DAPL1: variants seen among roughly 807,000 people sequenced by gnomAD.
The protein encoded by DAPL1 is death associated protein like 1.
Under a neutral mutation model 12.9 loss-of-function variants are expected in DAPL1, and 17 were observed. The ratio of observed to expected loss-of-function variants is 1.32; its 90% CI spans 0.90 to 1.98. The LOEUF is 1.98. Among genes scored for constraint, DAPL1 ranks in the 30% most tolerant of loss-of-function variants. The pLI, the probability that DAPL1 is intolerant of heterozygous loss-of-function variation, is 0.00. For synonymous variants in DAPL1, 51 were observed against 42.0 expected (o/e 1.21, Z -0.82); for missense variants, 157 against 125.7 (o/e 1.25, Z -1.19).
intron 1 of DAPL1, among the ~76,000 whole-genome samples, chr2:158,799,331 G>C (rs2059152740): frequency 6.6e-6 from 1 of 152,014 alleles, no homozygotes; most frequent in Admixed American, 6.6e-5. Flanking sequence ...TTCTGCAAAG[G>C]TTCAAAAAGC....
In DAPL1 at chr2:158,804,336, G is replaced by T; in HGVS notation, c.113G>T (p.Arg38Ile). 1 of 1,611,566 alleles carries T rather than the reference G, an allele frequency of 6.2e-7. No individual in the cohort carries two copies. Among genetic ancestry groups the T allele is most frequent in the South Asian group, 1.1e-5 (1 of 90,518 alleles). Residue 38 changes from arginine (R) to isoleucine (I), a missense_variant, in exon 2 of 4, where the codon AGA becomes ATA. Transcript: ENST00000309950. Reference protein sequence around the residue: ...SKKQEIGTLERHTKKTGFEKT... With the variant: ...SKKQEIGTLEIHTKKTGFEKT... The stretch of plus-strand genomic sequence containing the variant: ...AAACAAGAAATTGGCACCTTGGAAA[G>T]ACATACCAAAAAAACAGGATTCGAG...
At chr2:158,806,516 T>C (rs1402763788) in intron 2 of DAPL1, among the ~76,000 whole-genome samples, 1 of 151,892 alleles carries the variant, frequency 6.6e-6, no homozygotes, top group Non-Finnish European at 1.5e-5. Flanking sequence ...TGTTTCTGTA[T>C]GTATATCATA....
At chr2:158,795,837 G>A (rs745962648) in intron 1 of DAPL1, among the ~76,000 whole-genome samples, 2 of 152,192 alleles carry the variant, frequency 1.3e-5, no homozygotes, top group South Asian at 2.1e-4. Context: ...GTAAGACTCA[G>A]TCTCCCCAAG....
chr2:158,795,399 C>G lies in DAPL1; in HGVS notation c.27C>G (p.Leu9=), dbSNP rs1409399559. 1 of 1,556,068 alleles carries G rather than the reference C, an allele frequency of 6.4e-7. No individual in the cohort carries two copies. Among genetic ancestry groups the G allele is most frequent in the Admixed American group, 1.9e-5 (1 of 51,450 alleles). The stretch of plus-strand genomic sequence containing the variant: ...TGGCAAATGAAGTGCAAGACCTGCT[C>G]TCCCCTCGGAAAGGGGGACATCCTC... MANEVQDL[L]SPRKGGHPPA... The change falls in exon 1 of 4, where the codon CTC becomes CTG. Residue 9 remains leucine (L), a synonymous_variant. Coordinates refer to ENST00000309950, the MANE Select transcript of DAPL1 (RefSeq NM_001017920.3).
At position 158,807,273 on chromosome 2, in the gene DAPL1, T is replaced by A. The variant is rs185536840; in HGVS notation, c.207+158T>A. Among the ~76,000 whole-genome samples the A allele has an allele frequency of 2.9e-4, 44 of 152,316 alleles. No individual in the cohort carries two copies. In the East Asian group the frequency reaches 7.1e-3, roughly 25 times the overall value. On this transcript the variant is annotated intron_variant, in intron 3 of 3. Coordinates refer to ENST00000309950, the MANE Select transcript of DAPL1 (RefSeq NM_001017920.3). ...TCTCTGTCAGAGGAACACAAAGTGA[T>A]TTGAGTGGGAAAAGCTGCTTCTCTC...
intron 3 of DAPL1, among the ~76,000 whole-genome samples, chr2:158,814,820 G>GCATT (rs1250519918): frequency 2.0e-5 from 3 of 152,172 alleles, no homozygotes; most frequent in African/African-American, 7.2e-5. Flanking sequence ...CTGAGCTGAG[G>GCATT]CATTCCTTCC....
At chr2:158,795,507 C>G in intron 1 of DAPL1, 77 bp downstream of exon 1, 1 of 1,383,112 alleles carries the variant, frequency 7.2e-7, no homozygotes, top group East Asian at 2.5e-5. Context: ...TGGAGCACCC[C>G]GACAGACGGA....
rs2059256620 is a variant in DAPL1, at chr2:158,815,712, A to T, written c.215A>T (p.Tyr72Phe). 1 of 1,610,930 alleles carries T rather than the reference A, an allele frequency of 6.2e-7. No individual in the cohort carries two copies. The highest frequency in any genetic ancestry group is 8.5e-7 in the Non-Finnish European group (1 of 1,177,032). The change falls in exon 4 of 4, where the codon TAT becomes TTT. Residue 72 changes from tyrosine (Y) to phenylalanine (F), a missense_variant. By Grantham distance (22) the Tyr-to-Phe change is conservative. Coordinates refer to ENST00000309950, the MANE Select transcript of DAPL1 (RefSeq NM_001017920.3). ...TTCCCTTCTCACCTTTAGCTCAACT[A>T]TAAATTTCCAGCAACAGTGCACATG... ...ALNDALEKLN[Y>F]KFPATVHMAH...
At chr2:158,815,323 G>C (rs1360801943) in intron 3 of DAPL1, among the ~76,000 whole-genome samples, 1 of 152,072 alleles carries the variant, frequency 6.6e-6, no homozygotes, top group Non-Finnish European at 1.5e-5. Context: ...TTTGACAATT[G>C]AGGAGTTTTT....
chr2:158,799,196 T>G (rs528316182), intron 1 of DAPL1, among the ~76,000 whole-genome samples: 1 of 152,348 alleles, frequency 6.6e-6, no homozygotes, highest in Non-Finnish European at 1.5e-5. Flanking sequence ...TTTTTTACAT[T>G]GTCTATCTCT....
At chr2:158,799,654 C>T (rs1014727214) in intron 1 of DAPL1, among the ~76,000 whole-genome samples, 18 of 152,030 alleles carry the variant, frequency 1.2e-4, no homozygotes, top group Admixed American at 4.6e-4. Flanking sequence ...TATTATCTTC[C>T]GCTTCTTTCT....
chr2:158,800,728 T>C (rs1353945192), intron 1 of DAPL1, among the ~76,000 whole-genome samples: 1 of 152,186 alleles, frequency 6.6e-6, no homozygotes, highest in African/African-American at 2.4e-5. Context: ...CTTACTAGAT[T>C]CCCTAGTTCC....
At chr2:158,807,240 G>A (rs545354213) in intron 3 of DAPL1, 125 bp downstream of exon 3, 1 of 555,040 alleles carries the variant, frequency 1.8e-6, no homozygotes, top group Non-Finnish European at 3.1e-6. Context: ...CCTTGTGAAA[G>A]AATTTGTTCT....
chr2:158,798,505 C>T (rs534494095), intron 1 of DAPL1, among the ~76,000 whole-genome samples: 3 of 152,316 alleles, frequency 2.0e-5, no homozygotes, highest in East Asian at 1.9e-4. Context: ...AGCTGCCATT[C>T]GCTCAATGCT....
intron 3 of DAPL1, chr2:158,807,828 T>A (rs2105153770): frequency 6.6e-6 from 1 of 152,304 alleles, no homozygotes. Flanking sequence ...TGTATTTTAA[T>A]AGAGACAGGA....
rs1339088307 is a variant in DAPL1 at position 158,803,090 on chromosome 2, A to T, written c.59-1192A>T. 2.0e-5 allele frequency among the ~76,000 whole-genome samples: 3 copies of T among 152,370 alleles called. No individual in the cohort carries two copies. The East Asian group carries it at 5.8e-4, about 29-fold the overall frequency. ...AGTGAAGAAAATAAACAAGATGTAG[A>T]GCAATGTGTACCTTAGGCTACCATT... On this transcript the variant is annotated intron_variant, in intron 1 of 3. Coordinates refer to ENST00000309950, the MANE Select transcript of DAPL1 (RefSeq NM_001017920.3).
chr2:158,803,692 A>G (rs2059181507), intron 1 of DAPL1, among the ~76,000 whole-genome samples: 1 of 152,224 alleles, frequency 6.6e-6, no homozygotes, highest in Non-Finnish European at 1.5e-5. Context: ...CAGTTTAATT[A>G]CTCATTAGAA....
At chr2:158,812,609 C>T (rs555569124) in intron 3 of DAPL1, among the ~76,000 whole-genome samples, 1 of 152,178 alleles carries the variant, frequency 6.6e-6, no homozygotes, top group South Asian at 2.1e-4. Flanking sequence ...GCCTGGGCAA[C>T]ATAGAAAGAC....
At chr2:158,796,671 T>C (rs1015467575) in intron 1 of DAPL1, among the ~76,000 whole-genome samples, 30 of 152,202 alleles carry the variant, frequency 2.0e-4, no homozygotes, top group Non-Finnish European at 4.4e-4. Context: ...CAACCCTTCA[T>C]AAAATGGCTA....
Sources: allele counts gnomAD v4.1 joint callset (sites outside exome capture counted in the v4.1 genomes callset), GRCh38; gene constraint gnomAD v4.1.1; transcripts MANE v1.5; gene names NCBI Gene and HGNC (gene_info 2026-07-23, HGNC 2026-07-21).